GGT1: variants seen among roughly 807,000 people sequenced by gnomAD.
GGT1 encodes glutathione hydrolase 1 proenzyme.
GGT1 carries 21 observed loss-of-function variants against 56.0 expected under a neutral mutation model. That is an observed-to-expected ratio of 0.38 (90% CI 0.27 to 0.54). The LOEUF is 0.54. Among genes scored for constraint, GGT1 ranks in the 20% least tolerant of loss-of-function variants. The probability of loss-of-function intolerance (pLI) is 0.82; values close to 1 mark genes in which losing one functional copy is unlikely to be tolerated. For synonymous variants in GGT1, 238 were observed against 342.6 expected (o/e 0.69, Z 3.37); for missense variants, 466 against 787.0 (o/e 0.59, Z 4.88).
At chr22:24,623,356 G>A (rs1267240567) in intron 10 of GGT1, 100 bp downstream of exon 10, 4 of 1,334,912 alleles carry the variant, frequency 3.0e-6, no homozygotes, top group Middle Eastern at 2.6e-4. Flanking sequence ...CCCATGCCAC[G>A]TCTTTCCATC....
At chr22:24,607,012 A>G (rs1448944148) in intron 1 of GGT1, among the ~76,000 whole-genome samples, 1,748 of 103,400 alleles carry the variant, frequency 0.017, 3 homozygotes, top group African/African-American at 0.026. Flanking sequence ...CTGGGTCCGC[A>G]GCTGTTCCTG....
chr22:24,602,931 C>A (rs200667158), upstream of GGT1, among the ~76,000 whole-genome samples: 398 of 151,086 alleles, frequency 2.6e-3, 1 homozygote, highest in Non-Finnish European at 5.0e-3. Context: ...ATCTGCCTCC[C>A]GCTGAAACCC....
chr22:24,588,614 C>G, the GGT1 span: 40 of 1,044,702 alleles, frequency 3.8e-5, no homozygotes, highest in South Asian at 2.2e-4. Context: ...TCCTCGGGCC[C>G]AGGGCCAGCG....
chr22:24,606,309 C>A (rs2046321564), intron 1 of GGT1, among the ~76,000 whole-genome samples: 1 of 151,386 alleles, frequency 6.6e-6, no homozygotes, highest in South Asian at 2.1e-4. Flanking sequence ...CACAACAGGC[C>A]CCAGTGTGTG....
chr22:24,589,328 A>G, the GGT1 span: 1 of 1,167,094 alleles, frequency 8.6e-7, no homozygotes. Flanking sequence ...CTTGCTTATG[A>G]CCCCAGCTGT....
intron 5 of GGT1, among the ~76,000 whole-genome samples, chr22:24,611,546 CT>C (rs1265180566): frequency 0.14 from 3,368 of 24,680 alleles, 43 homozygotes; most frequent in East Asian, 0.16. Flanking sequence ...TATCTATCAT[CT>C]ATCTATCTAT....
intron 11 of GGT1, among the ~76,000 whole-genome samples, chr22:24,625,168 AG>A (rs1475760772): frequency 6.6e-6 from 1 of 152,160 alleles, no homozygotes; most frequent in African/African-American, 2.4e-5. Flanking sequence ...GTCGCACCTC[AG>A]GGTGTGTCTC....
At chr22:24,593,145 C>G (rs1214747043), upstream of GGT1, 26 of 992,710 alleles carry the variant, frequency 2.6e-5, no homozygotes, top group Non-Finnish European at 3.1e-5. Context: ...GGCCCTGCCC[C>G]GTCCGGGTCC....
chr22:24,600,689 C>T (rs1445213298), upstream of GGT1, among the ~76,000 whole-genome samples: 1 of 152,244 alleles, frequency 6.6e-6, no homozygotes, highest in Non-Finnish European at 1.5e-5. Context: ...GTAGCACCAG[C>T]ACTTCCATTG....
the GGT1 span, among the ~76,000 whole-genome samples, chr22:24,587,210 C>T: frequency 3.9e-5 from 6 of 152,112 alleles, no homozygotes; most frequent in Admixed American, 1.3e-4. Flanking sequence ...TACAGGGCAC[C>T]GGGGATAGAG....
chr22:24,592,635 C>A, upstream of GGT1: 1 of 648,120 alleles, frequency 1.5e-6, no homozygotes, highest in Non-Finnish European at 2.4e-6. Flanking sequence ...CACGGTCCGC[C>A]GACCTCACCC....
At chr22:24,587,241 G>A in the GGT1 span, among the ~76,000 whole-genome samples, 1 of 152,224 alleles carries the variant, frequency 6.6e-6, no homozygotes, top group East Asian at 1.9e-4. Context: ...CCACAGTAGT[G>A]AAAGGGGAGG....
rs778575012 is a variant in GGT1 at position 24,627,861 on chromosome 22, C to T, written c.1218C>T (p.Ser406=). 6.2e-7 allele frequency: 1 copy of T among 1,613,456 alleles called. No homozygotes were observed. The highest frequency in any genetic ancestry group is 1.1e-5 in the South Asian group (1 of 91,032). Residue 406 remains serine, a synonymous_variant, in exon 13 of 16, where the codon TCC becomes TCT. Transcript: ENST00000400382. ...ATSTINLYFG[S]KVRSPVSGIL... is the part of the protein sequence containing the mutation. ...CCTGGCTGGGCGGTAGCTTTGGCTC[C>T]AAGGTCCGCTCCCCGGTCAGCGGGA... is the stretch of plus-strand genomic sequence containing the variant.
rs752216775 is a variant in GGT1, at chr22:24,627,977, C to T, written c.1334C>T (p.Pro445Leu). The T allele has an allele frequency of 6.2e-7, 1 of 1,605,926 alleles. No homozygotes were observed. The highest frequency in any genetic ancestry group is 1.4e-5 in the African/African-American group (1 of 72,246). The change falls in exon 13 of 16, where the codon CCA becomes CTA. Residue 445 changes from proline to leucine, a missense_variant and splice_region_variant. Transcript: ENST00000400382. Reference protein sequence around the residue: ...VPPSPANFIQPGKQPLSSMCP... With the variant: ...VPPSPANFIQLGKQPLSSMCP... Reference sequence around the variant, plus strand: ...CCCTCACCTGCCAATTTCATCCAGCCAGGTATGGGGTGGAGGTCCGGGGGT... The same window carrying T: ...CCCTCACCTGCCAATTTCATCCAGCTAGGTATGGGGTGGAGGTCCGGGGGT...
chr22:24,592,688 C>A, upstream of GGT1: 1 of 1,183,168 alleles, frequency 8.5e-7, no homozygotes, highest in East Asian at 3.3e-5. Context: ...ACGCAAGACC[C>A]CGCGTGCTGC....
chr22:24,624,821 C>G (rs985730256), intron 11 of GGT1: 9 of 161,050 alleles, frequency 5.6e-5, no homozygotes, highest in African/African-American at 1.9e-4. Context: ...CCTCTTAGAG[C>G]AAACATGGCT....
chr22:24,591,161 C>G (rs2045556599), upstream of GGT1, among the ~76,000 whole-genome samples: 1 of 152,238 alleles, frequency 6.6e-6, no homozygotes, highest in Non-Finnish European at 1.5e-5. Context: ...CTCACCGCAA[C>G]CTCCGCCTCC....
Position 24,597,684 on chromosome 22 carries a change from A to ACACACACACACACACAC in GGT1, c.-324+2798_-324+2799insCACACACACACACACAC, listed in dbSNP as rs60798811. Among the ~76,000 whole-genome samples, 1,000 of 148,806 alleles carry ACACACACACACACACAC rather than the reference A, an allele frequency of 6.7e-3. 7 individuals are homozygous for ACACACACACACACACAC. The highest frequency in any genetic ancestry group is 0.023 in the African/African-American group (950 of 40,688). On this transcript the variant is annotated intron_variant, in intron 1 of 6. Transcript: ENST00000411974. ...TGACAGAGTGAGACTCCATCTCAAA[A>ACACACACACACACACAC]ACACACACACACACACACACACAAA...
upstream of GGT1, among the ~76,000 whole-genome samples, chr22:24,599,866 G>A (rs1331224541): frequency 1.5e-4 from 23 of 152,224 alleles, no homozygotes; most frequent in Non-Finnish European, 2.5e-4. Flanking sequence ...AAAGTGCTGC[G>A]CAGTTTTGGC....
Sources: gnomAD v4.1 joint callset for allele counts (sites outside exome capture counted in the v4.1 genomes callset) on GRCh38, gnomAD v4.1.1 for gene constraint, MANE v1.5 for transcripts, NCBI Gene and HGNC (gene_info 2026-07-23, HGNC 2026-07-21) for gene names.